The following SLC18A1 variants were observed in gnomAD, a reference collection of about 807,000 sequenced individuals.
The protein encoded by SLC18A1 is solute carrier family 18 member A1.
A neutral mutation model predicts 53.7 loss-of-function variants in SLC18A1; 69 were observed. The observed-to-expected ratio is 1.28, with a 90% confidence interval of 1.06 to 1.57. The LOEUF (loss-of-function observed/expected upper bound fraction) is 1.57. Ranked by LOEUF, SLC18A1 falls within the 40% of genes most tolerant of loss-of-function variation. SLC18A1 has a pLI of 0.00. For missense variants in SLC18A1, 932 were observed against 668.1 expected (o/e 1.40, Z -4.35); for synonymous variants, 320 against 248.1 (o/e 1.29, Z -2.72).
At chr8:20,170,279 T>C (rs1040820203) in intron 8 of SLC18A1, among the ~76,000 whole-genome samples, 1 of 152,214 alleles carries the variant, frequency 6.6e-6, no homozygotes, top group Non-Finnish European at 1.5e-5. Context: ...CAGATGCTTC[T>C]CTGTTCACCC....
chr8:20,162,721 C>A (rs1289962999), intron 10 of SLC18A1, among the ~76,000 whole-genome samples: 4 of 152,198 alleles, frequency 2.6e-5, no homozygotes, highest in Non-Finnish European at 5.9e-5. Context: ...GTCAGAATGA[C>A]CTTCACTGTC....
At chr8:20,164,406 G>A (rs1186844383) in intron 10 of SLC18A1, among the ~76,000 whole-genome samples, 2 of 152,156 alleles carry the variant, frequency 1.3e-5, no homozygotes, top group Admixed American at 1.3e-4. Flanking sequence ...AGGAGAATGT[G>A]GATGGTAATG....
chr8:20,180,848 A>G lies in SLC18A1; in HGVS notation c.117T>C (p.Thr39=). Residue 39 remains threonine (T), a synonymous_variant, in exon 2 of 16, where the codon ACT becomes ACC. Coordinates refer to ENST00000276373, the MANE Select transcript of SLC18A1 (RefSeq NM_003053.4). The part of the protein sequence containing the change: ...VALLLDNMLF[T]VVVPIVPTFL... ...AAAGACCCACAAACGTACCCACCAC[A>G]GTAAACAGCATGTTGTCCAGGAGCA... The G allele has an allele frequency of 6.2e-7, 1 of 1,614,056 alleles. No homozygotes were observed. The highest frequency in any genetic ancestry group is 8.5e-7 in the Non-Finnish European group (1 of 1,179,936).
intron 10 of SLC18A1, among the ~76,000 whole-genome samples, chr8:20,158,341 C>T (rs541718408): frequency 6.6e-6 from 1 of 152,140 alleles, no homozygotes; most frequent in African/African-American, 2.4e-5. Flanking sequence ...TCTAATTATG[C>T]CTGAAGGCCC....
At chr8:20,169,649 C>T (rs1227852331) in intron 8 of SLC18A1, among the ~76,000 whole-genome samples, 1 of 152,096 alleles carries the variant, frequency 6.6e-6, no homozygotes, top group Non-Finnish European at 1.5e-5. Flanking sequence ...GAGGCTGAGG[C>T]GGATGGATCA....
rs770923383 is a variant in SLC18A1 at position 20,147,367 on chromosome 8, A to C, written c.1355T>G (p.Val452Gly). 1.2e-6 allele frequency: 2 copies of C among 1,612,326 alleles called. No homozygotes were observed. Among genetic ancestry groups the C allele is most frequent in the African/African-American group, 1.3e-5 (1 of 74,972 alleles). ...GAGCCAGGGAAAACCGATGGCCTTT[A>C]CAATGGCACCACCGGTGGATGGACC... The part of the protein sequence containing the change: ...AIGPSTGGAI[V>G]KAIGFPWLMV... Residue 452 changes from valine to glycine, a missense_variant, in exon 15 of 16, where the codon GTA becomes GGA. Transcript: ENST00000276373.
At chr8:20,182,630 T>C (rs1055641680) in intron 1 of SLC18A1, among the ~76,000 whole-genome samples, 6 of 152,254 alleles carry the variant, frequency 3.9e-5, no homozygotes, top group Admixed American at 3.9e-4. Context: ...GCCTCAGGTG[T>C]TGGGAGTACC....
Position 20,144,899 on chromosome 8 carries a change from A to G in SLC18A1, c.*864T>C, listed in dbSNP as rs2071355995. ...TTTATTAGCAAGTATGAACAATGTC[A>G]CATTACACCCCTCCTGTTAGGAAAT... On this transcript the variant is annotated 3_prime_UTR_variant, in exon 16 of 16. Transcript: ENST00000276373. 6.6e-6 allele frequency: 1 copy of G among 152,196 alleles called. No homozygotes were observed. Among genetic ancestry groups the G allele is most frequent in the Admixed American group, 6.5e-5 (1 of 15,280 alleles). 9.4% of individuals were successfully genotyped at this position (152,196 alleles called of 1,614,324 possible).
At chr8:20,171,252 T>C in intron 7 of SLC18A1, 106 bp from the exon 8 acceptor site, 1 of 1,388,500 alleles carries the variant, frequency 7.2e-7, no homozygotes, top group Non-Finnish European at 1.0e-6. Context: ...TTTAACTCCC[T>C]GAGTTTCTTC....
chr8:20,160,439 T>C (rs1248320996), intron 10 of SLC18A1, among the ~76,000 whole-genome samples: 1 of 151,832 alleles, frequency 6.6e-6, no homozygotes, highest in Non-Finnish European at 1.5e-5. Context: ...CTCCAGAATA[T>C]GTATTTATAG....
At chr8:20,173,180 C>T (rs1001655281) in intron 5 of SLC18A1, 52 bp from the exon 6 acceptor site, 20 of 1,351,964 alleles carry the variant, frequency 1.5e-5, no homozygotes, top group Admixed American at 2.0e-5. Flanking sequence ...TTCTATCCGC[C>T]TCTCAGAGCC....
chr8:20,164,070 G>GCC (rs576276429), intron 10 of SLC18A1, among the ~76,000 whole-genome samples: 1 of 151,966 alleles, frequency 6.6e-6, no homozygotes, highest in Admixed American at 6.6e-5. Flanking sequence ...GCTTAGAATT[G>GCC]CCCCCCCAAA....
chr8:20,171,370 G>A, intron 7 of SLC18A1, 35 bp downstream of exon 7: 1 of 1,558,178 alleles, frequency 6.4e-7, no homozygotes, highest in East Asian at 2.2e-5. Context: ...CCTGACCTGG[G>A]CTGTCACCTG....
chr8:20,149,597 T>G (rs1328351746), intron 12 of SLC18A1, 79 bp downstream of exon 12: 2 of 1,115,596 alleles, frequency 1.8e-6, no homozygotes, highest in East Asian at 5.3e-5. Flanking sequence ...TCCCTCTCTC[T>G]CTCTCTCTCT....
rs764873620 is a variant in SLC18A1, at chr8:20,145,719, G to A, written c.*44C>T. On this transcript the variant is annotated 3_prime_UTR_variant, in exon 16 of 16. Transcript: ENST00000276373. ...ATGGTGATCTGGTCCCAGGGAAAGA[G>A]GTGGTCACTGAGGCATCATGAATTC... 6 of 1,266,216 alleles carry A rather than the reference G, an allele frequency of 4.7e-6. No homozygotes were observed. Among genetic ancestry groups the A allele is most frequent in the Non-Finnish European group, 5.7e-6 (5 of 878,622 alleles). The allele number at this position is 1,266,216 out of a possible 1,614,324, so 78.4% of individuals were successfully genotyped here. A position where few individuals can be genotyped will look rare whatever the true frequency, so the allele number is the denominator to read the frequency against.
chr8:20,145,404 C>T lies in SLC18A1; in HGVS notation c.*359G>A, dbSNP rs991647734. 6.0e-6 allele frequency: 1 copy of T among 165,722 alleles called. No homozygotes were observed. The highest frequency in any genetic ancestry group is 6.4e-5 in the Admixed American group (1 of 15,636). 10.3% of individuals were successfully genotyped at this position (165,722 alleles called of 1,614,324 possible). A position where few individuals can be genotyped will look rare whatever the true frequency, so the allele number is the denominator to read the frequency against. On this transcript the variant is annotated 3_prime_UTR_variant, in exon 16 of 16. Coordinates refer to ENST00000276373, the MANE Select transcript of SLC18A1 (RefSeq NM_003053.4). ...AAAATCAGGCAACAGATTAAAGAGGCTTGTCAGTCACCCCACTGGTTTCAG... is the reference window on the plus strand; with the variant it reads ...AAAATCAGGCAACAGATTAAAGAGGTTTGTCAGTCACCCCACTGGTTTCAG...
chr8:20,162,094 C>A (rs1055416279), intron 10 of SLC18A1, among the ~76,000 whole-genome samples: 1 of 152,224 alleles, frequency 6.6e-6, no homozygotes, highest in African/African-American at 2.4e-5. Context: ...CACATCTGGG[C>A]CCACTTGAGC....
At position 20,147,344 on chromosome 8, in the gene SLC18A1, G is replaced by T; in HGVS notation, c.1378C>A (p.Leu460Ile). The T allele has an allele frequency of 1.2e-6, 2 of 1,613,466 alleles. No individual in the cohort carries two copies. The highest frequency in any genetic ancestry group is 8.5e-7 in the Non-Finnish European group (1 of 1,179,912). The change falls in exon 15 of 16, where the codon CTC becomes ATC. Residue 460 changes from leucine to isoleucine, a missense_variant. Transcript: ENST00000276373. ...AIVKAIGFPW[L>I]MVITGVINIV... ...TTGATGACCCCAGTGATGACCATGA[G>T]CCAGGGAAAACCGATGGCCTTTACA...
chr8:20,149,796 C>T (rs375679637), intron 11 of SLC18A1, 69 bp from the exon 12 acceptor site: 1 of 1,435,534 alleles, frequency 7.0e-7, no homozygotes, highest in African/African-American at 1.4e-5. Context: ...CCCATCACCG[C>T]CATGCTGACC....
Sources: allele counts gnomAD v4.1 joint callset (sites outside exome capture counted in the v4.1 genomes callset), GRCh38; gene constraint gnomAD v4.1.1; transcripts MANE v1.5; gene names NCBI Gene and HGNC (gene_info 2026-07-23, HGNC 2026-07-21).